Variants in ALDH9A1 observed in about 807,000 individuals in gnomAD.
ALDH9A1 encodes 4-trimethylaminobutyraldehyde dehydrogenase.
Under a neutral mutation model 56.6 loss-of-function variants are expected in ALDH9A1, and 42 were observed. The ratio of observed to expected loss-of-function variants is 0.74; its 90% CI spans 0.58 to 0.96. ALDH9A1 has a LOEUF of 0.96. ALDH9A1 is among the 40% of genes least tolerant of loss of function. ALDH9A1 has a pLI of 0.00. For synonymous variants in ALDH9A1, 242 were observed against 236.0 expected (o/e 1.03, Z -0.23); for missense variants, 661 against 651.5 (o/e 1.01, Z -0.16).
rs778027257 is a variant in ALDH9A1, at chr1:165,667,396, A to C, written c.1262T>G (p.Met421Arg). Reference protein sequence around the residue: ...CVKEEIFGPVMSILSFDTEAE... With the variant: ...CVKEEIFGPVRSILSFDTEAE... ...TTCAGTGTCAAATGATAAAATGGAC[A>C]TAACAGGCCCAAAGATCTCTTCCTT... is the stretch of plus-strand genomic sequence containing the variant. The change falls in exon 9 of 11, where the codon ATG (methionine) becomes AGG (arginine). Residue 421 changes from methionine to arginine, a missense_variant. Met to Arg is a moderately conservative substitution (Grantham distance 91). Coordinates refer to ENST00000354775, the MANE Select transcript of ALDH9A1 (RefSeq NM_000696.4). 6.2e-7 allele frequency: 1 copy of C among 1,614,052 alleles called. No homozygotes were observed. Among genetic ancestry groups the C allele is most frequent in the African/African-American group, 1.3e-5 (1 of 74,932 alleles).
intron 6 of ALDH9A1, among the ~76,000 whole-genome samples, chr1:165,678,084 C>T (rs1234869648): frequency 6.6e-6 from 1 of 150,834 alleles, no homozygotes; most frequent in African/African-American, 2.4e-5. Flanking sequence ...ACTTGTAATC[C>T]CAGCACTTTG....
rs529869536 is a variant in ALDH9A1 at position 165,684,162 on chromosome 1, G to A, written c.328-1052C>T. On this transcript the variant is annotated intron_variant, in intron 2 of 10. Transcript: ENST00000354775. The stretch of plus-strand genomic sequence containing the variant: ...CAGTTGGATAGTGAGATTTGGACAC[G>A]CTGTATTTCTTATAAAGGCCAGAGG... 5.3e-5 allele frequency among the ~76,000 whole-genome samples: 8 copies of A among 152,246 alleles called. No homozygotes were observed. In the South Asian group the frequency reaches 1.2e-3, roughly 24 times the overall value.
At chr1:165,682,335 G>T in intron 3 of ALDH9A1, 94 bp from the exon 4 acceptor site, 2 of 1,366,192 alleles carry the variant, frequency 1.5e-6, no homozygotes, top group African/African-American at 2.9e-5. Context: ...TCCAGTCAAC[G>T]CAGCCTCCCC....
At position 165,679,460 on chromosome 1, in the gene ALDH9A1, G is replaced by A. The variant is rs202125493; in HGVS notation, c.912C>T (p.Asn304=). ...TACATACCTGGCCTTGTGTGAGGAAGTTGGCCATCAGCGCCCCCTTTACAG... is the reference window on the plus strand; with the variant it reads ...TACATACCTGGCCTTGTGTGAGGAAATTGGCCATCAGCGCCCCCTTTACAG... ...NNAVKGALMA[N]FLTQGQVCCN... The change falls in exon 6 of 11, where the codon AAC becomes AAT. Residue 304 remains asparagine, a synonymous_variant. Transcript: ENST00000354775. 25 of 1,614,150 alleles carry A rather than the reference G, an allele frequency of 1.5e-5. No individual in the cohort carries two copies. The highest frequency in any genetic ancestry group is 1.6e-5 in the Non-Finnish European group (19 of 1,180,018).
intron 6 of ALDH9A1, among the ~76,000 whole-genome samples, chr1:165,674,402 A>G (rs1368277267): frequency 6.6e-6 from 1 of 151,128 alleles, no homozygotes; most frequent in Non-Finnish European, 1.5e-5. Context: ...AAAATTAAAA[A>G]TTGGCAGGGA....
chr1:165,693,390 A>G lies in ALDH9A1; in HGVS notation c.327+1862T>C, dbSNP rs534641120. 2.6e-3 allele frequency among the ~76,000 whole-genome samples: 390 copies of G among 152,338 alleles called. 2 individuals carry two copies. Among genetic ancestry groups the G allele is most frequent in the African/African-American group, 9.0e-3 (374 of 41,576 alleles). ...ACAAGAAAAAACAAACAACCCCATC[A>G]ACAAGTGGGCAAAGGATATGAACAG... On this transcript the variant is annotated intron_variant, in intron 2 of 10. Transcript: ENST00000354775.
intron 2 of ALDH9A1, among the ~76,000 whole-genome samples, chr1:165,691,289 C>T (rs1362997483): frequency 6.6e-6 from 1 of 152,196 alleles, no homozygotes; most frequent in Non-Finnish European, 1.5e-5. Context: ...AGACCTGCAG[C>T]TGAGGGTCCT....
chr1:165,683,200 T>G, intron 2 of ALDH9A1, 90 bp from the exon 3 acceptor site: 1 of 1,354,822 alleles, frequency 7.4e-7, no homozygotes, highest in Non-Finnish European at 1.0e-6. Flanking sequence ...GCTCAATTTT[T>G]AAAACTAAAA....
At position 165,683,117 on chromosome 1, in the gene ALDH9A1, G is replaced by A. The variant is rs1229170149; in HGVS notation, c.328-7C>T. 1.9e-6 allele frequency: 3 copies of A among 1,613,436 alleles called. No individual in the cohort carries two copies. The highest frequency in any genetic ancestry group is 1.1e-5 in the South Asian group (1 of 91,062). On this transcript the variant is annotated splice_polypyrimidine_tract_variant and splice_region_variant and intron_variant, in intron 2 of 10. Transcript: ENST00000354775. Reference sequence around the variant, plus strand: ...CAATTTCATCCTCCCGTTCCTTTGGGTAAAGCAGAAGACTAGATTTAAGAC... The same window carrying A: ...CAATTTCATCCTCCCGTTCCTTTGGATAAAGCAGAAGACTAGATTTAAGAC...
intron 2 of ALDH9A1, among the ~76,000 whole-genome samples, chr1:165,691,121 C>A (rs1390465230): frequency 6.6e-6 from 1 of 152,226 alleles, no homozygotes; most frequent in African/African-American, 2.4e-5. Context: ...TCGAGGCCGA[C>A]TGACACCTCA....
At chr1:165,687,822 T>C (rs1649759995) in intron 2 of ALDH9A1, among the ~76,000 whole-genome samples, 1 of 151,770 alleles carries the variant, frequency 6.6e-6, no homozygotes, top group Admixed American at 6.6e-5. Flanking sequence ...ACCCCATCTC[T>C]ACTAAAAATA....
intron 1 of ALDH9A1, 113 bp downstream of exon 1, chr1:165,698,265 G>GTCTTGTGCTCACTGTCTTGTGTC: frequency 6.9e-7 from 1 of 1,458,140 alleles, no homozygotes; most frequent in Non-Finnish European, 9.0e-7. Context: ...ACTCTCCACT[G>GTCTTGTGCTCACTGTCTTGTGTC]TCACTGTCTT....
intron 1 of ALDH9A1, among the ~76,000 whole-genome samples, chr1:165,696,542 G>A (rs1027871698): frequency 1.3e-5 from 2 of 152,094 alleles, no homozygotes; most frequent in African/African-American, 4.8e-5. Flanking sequence ...ATCAGGATAA[G>A]GCAACCCTAA....
At chr1:165,696,810 TA>T (rs765406166) in intron 1 of ALDH9A1, among the ~76,000 whole-genome samples, 5 of 152,168 alleles carry the variant, frequency 3.3e-5, no homozygotes, top group African/African-American at 7.2e-5. Flanking sequence ...AGCCAGCTGG[TA>T]AAGGCGGTGG....
intron 6 of ALDH9A1, among the ~76,000 whole-genome samples, chr1:165,673,935 G>C (rs1458143290): frequency 6.6e-6 from 1 of 152,158 alleles, no homozygotes; most frequent in East Asian, 1.9e-4. Context: ...CACAGGATAA[G>C]ATAGGAGATC....
intron 9 of ALDH9A1, among the ~76,000 whole-genome samples, chr1:165,666,454 T>A (rs764809242): frequency 6.6e-6 from 1 of 152,084 alleles, no homozygotes; most frequent in Non-Finnish European, 1.5e-5. Flanking sequence ...CACATTGGAG[T>A]TACCCGCCTT....
chr1:165,682,058 C>T (rs760970731), intron 4 of ALDH9A1, 49 bp downstream of exon 4: 96 of 1,604,434 alleles, frequency 6.0e-5, no homozygotes, highest in African/African-American at 9.4e-5. Flanking sequence ...AGAGAACGAA[C>T]GAGAGAATGA....
intron 5 of ALDH9A1, among the ~76,000 whole-genome samples, chr1:165,680,021 AAAAATAAAAAATATTGTC>A (rs1463131829): frequency 6.6e-6 from 1 of 152,092 alleles, no homozygotes; most frequent in Non-Finnish European, 1.5e-5. Flanking sequence ...TCAAAAAAAT[AAAAATAAAAAATATTGTC>A]AATTCACAGG....
Position 165,695,155 on chromosome 1 carries a change from G to A in ALDH9A1, c.327+97C>T, listed in dbSNP as rs994589660. The A allele has an allele frequency of 4.2e-5, 56 of 1,339,206 alleles. No homozygotes were observed. The South Asian group carries it at 5.7e-4, about 14-fold the overall frequency. 83.0% of individuals were successfully genotyped at this position (1,339,206 alleles called of 1,614,324 possible). ...AAATGTTTTTCCATTTTATAAAAAC[G>A]TTACGGCCTAATGTTGCAACAAAGT... On this transcript the variant is annotated intron_variant, in intron 2 of 10. Coordinates refer to ENST00000354775, the MANE Select transcript of ALDH9A1 (RefSeq NM_000696.4).
Sources: allele counts gnomAD v4.1 joint callset (sites outside exome capture counted in the v4.1 genomes callset), GRCh38; gene constraint gnomAD v4.1.1; transcripts MANE v1.5; gene names NCBI Gene and HGNC (gene_info 2026-07-23, HGNC 2026-07-21).